KCNAB3: variants seen among roughly 807,000 people sequenced by gnomAD.
KCNAB3 encodes potassium voltage-gated channel subfamily A regulatory beta subunit 3.
Under a neutral mutation model 67.7 loss-of-function variants are expected in KCNAB3, and 62 were observed. That is an observed-to-expected ratio of 0.92 (90% CI 0.75 to 1.13). The LOEUF is 1.13. Ranked by LOEUF, KCNAB3 falls within the 50% of genes most tolerant of loss-of-function variation. The probability of loss-of-function intolerance (pLI) is 0.00; values close to 1 mark genes in which losing one functional copy is unlikely to be tolerated. For missense variants in KCNAB3, 514 were observed against 522.9 expected (o/e 0.98, Z 0.17); for synonymous variants, 212 against 205.4 (o/e 1.03, Z -0.27).
Position 7,929,448 on chromosome 17 carries a change from A to AGGGGGCTCCGAGGG in KCNAB3, c.-14_-13insCCCTCGGAGCCCCC. 6.5e-7 allele frequency: 1 copy of AGGGGGCTCCGAGGG among 1,527,702 alleles called. No individual in the cohort carries two copies. Among genetic ancestry groups the AGGGGGCTCCGAGGG allele is most frequent in the Non-Finnish European group, 8.8e-7 (1 of 1,131,340 alleles). The allele number at this position is 1,527,702 out of a possible 1,614,324, so 94.6% of individuals were successfully genotyped here. A position where few individuals can be genotyped will look rare whatever the true frequency, so the allele number is the denominator to read the frequency against. ...TAGACACCTGCATGCTGGCTGGCCG[A>AGGGGGCTCCGAGGG]GGCGGGGGAGGGGGCTCCGAGGGGA... On this transcript the variant is annotated 5_prime_UTR_variant, in exon 1 of 14. Transcript: ENST00000303790. The surrounding 1 kb of genome is among the most constrained non-coding windows in gnomAD (Gnocchi z 5.7).
intron 7 of KCNAB3, 91 bp from the exon 8 acceptor site, chr17:7,925,274 T>C: frequency 1.0e-6 from 1 of 998,026 alleles, no homozygotes. Context: ...ATGCCTGTAA[T>C]CCCAGCACTT....
At position 7,929,835 on chromosome 17, in the gene KCNAB3, G is replaced by T; in HGVS notation, c.-400C>A. On this transcript the variant is annotated 5_prime_UTR_variant, in exon 1 of 14. Coordinates refer to ENST00000303790, the MANE Select transcript of KCNAB3 (RefSeq NM_004732.4). The surrounding 1 kb of genome is among the most constrained non-coding windows in gnomAD (Gnocchi z 5.7). ...TGCGGGACCCGCTGGGCTCCCAGCC[G>T]CGTCGGCAGCGGGCCCAGCTCATCA... The T allele has an allele frequency of 2.1e-4, 220 of 1,029,728 alleles. No individual in the cohort carries two copies. The highest frequency in any genetic ancestry group is 1.3e-3 in the Admixed American group (24 of 18,120). 63.8% of individuals were successfully genotyped at this position (1,029,728 alleles called of 1,614,324 possible). A position where few individuals can be genotyped will look rare whatever the true frequency, so the allele number is the denominator to read the frequency against.
chr17:7,923,846 G>A lies in KCNAB3; in HGVS notation c.928-15C>T, dbSNP rs1438372502. ...CACTGGTAGCCCTGGAGGCCAAGAA[G>A]AATCAACAGAAGACCCCGCCATCAC... On this transcript the variant is annotated splice_polypyrimidine_tract_variant and intron_variant, in intron 11 of 13. Transcript: ENST00000303790. The A allele has an allele frequency of 2.6e-6, 4 of 1,565,500 alleles. No individual in the cohort carries two copies. In the Admixed American group the frequency reaches 7.6e-5, roughly 30 times the overall value.
chr17:7,924,916 A>C, intron 8 of KCNAB3, 181 bp downstream of exon 8: 1 of 600,242 alleles, frequency 1.7e-6, no homozygotes, highest in Non-Finnish European at 2.9e-6. Context: ...GCTAATTTTA[A>C]AACATTTTTT....
rs780554724 is a variant in KCNAB3, at chr17:7,924,503, A to G, written c.626-3T>C. The G allele has an allele frequency of 1.2e-6, 2 of 1,611,698 alleles. No homozygotes were observed. The highest frequency in any genetic ancestry group is 2.2e-5 in the South Asian group (2 of 90,916). On this transcript the variant is annotated splice_polypyrimidine_tract_variant and splice_region_variant and intron_variant, in intron 8 of 13. Transcript: ENST00000303790. ...ATAGGTCATGGCTCGCACAATCTCT[A>G]GGTACACAGGAGAGGGAAAGCCTTA...
At chr17:7,923,213 C>G (rs377218293) in intron 13 of KCNAB3, 34 bp from the exon 14 acceptor site, 1 of 1,596,242 alleles carries the variant, frequency 6.3e-7, no homozygotes, top group Non-Finnish European at 8.6e-7. Flanking sequence ...GACGGCAGCC[C>G]ATGCTGGGTC....
intron 4 of KCNAB3, chr17:7,927,086 T>A: frequency 2.1e-6 from 1 of 487,530 alleles, no homozygotes; most frequent in Non-Finnish European, 3.7e-6. Flanking sequence ...ATCTTTGTAG[T>A]TGCACATAAC....
chr17:7,925,021 C>T (rs1181339266), intron 8 of KCNAB3, 76 bp downstream of exon 8: 5 of 1,335,344 alleles, frequency 3.7e-6, no homozygotes, highest in Admixed American at 1.8e-5. Flanking sequence ...CCTGGGATTA[C>T]AGGAATGAGC....
At position 7,925,733 on chromosome 17, in the gene KCNAB3, G is replaced by T; in HGVS notation, c.495-7C>A. 1.2e-6 allele frequency: 2 copies of T among 1,613,988 alleles called. No homozygotes were observed. On this transcript the variant is annotated splice_region_variant and splice_polypyrimidine_tract_variant and intron_variant, in intron 6 of 13. Transcript: ENST00000303790. ...ACCTCGCTCGGTTTCTGCCCTGTAGGAAAAGGTAAGTCAAAGATGAGATGT... is the reference window on the plus strand; with the variant it reads ...ACCTCGCTCGGTTTCTGCCCTGTAGTAAAAGGTAAGTCAAAGATGAGATGT...
chr17:7,929,634 G>A lies in KCNAB3; in HGVS notation c.-199C>T. 2 of 1,429,204 alleles carry A rather than the reference G, an allele frequency of 1.4e-6. No homozygotes were observed. Among genetic ancestry groups the A allele is most frequent in the East Asian group, 2.6e-5 (1 of 38,318 alleles). The allele number at this position is 1,429,204 out of a possible 1,614,324, so 88.5% of individuals were successfully genotyped here. ...GAGGTCGCGAGGTTTGCGGCGGGAG[G>A]GAAGAAACGTGGGGGGCGCCAGGAG... On this transcript the variant is annotated 5_prime_UTR_variant, in exon 1 of 14. Transcript: ENST00000303790. The surrounding 1 kb of genome is among the most constrained non-coding windows in gnomAD (Gnocchi z 5.7).
At position 7,929,822 on chromosome 17, in the gene KCNAB3, TGGGC is replaced by T; in HGVS notation, c.-391_-388del. 73 of 1,066,330 alleles carry T rather than the reference TGGGC, an allele frequency of 6.8e-5. No individual in the cohort carries two copies. Among genetic ancestry groups the T allele is most frequent in the Admixed American group, 5.7e-4 (11 of 19,136 alleles). The allele number at this position is 1,066,330 out of a possible 1,614,324, so 66.1% of individuals were successfully genotyped here. ...CAGCGCGAACCGCTGCGGGACCCGC[TGGGC>T]TCCCAGCCGCGTCGGCAGCGGGCCC... is the stretch of plus-strand genomic sequence containing the variant. On this transcript the variant is annotated 5_prime_UTR_variant, in exon 1 of 14. Coordinates refer to ENST00000303790, the MANE Select transcript of KCNAB3 (RefSeq NM_004732.4). This position sits in a 1 kb window ranked among gnomAD's most constrained non-coding sequence, Gnocchi z 5.7.
chr17:7,923,128 C>A lies in KCNAB3; in HGVS notation c.1189G>T (p.Gly397Ter), dbSNP rs201879250. Reference protein sequence around the residue: ...QTVMEIDGLLGNKPHSKK With the variant: ...QTVMEIDGLL ...TACTTCTTGGAATGCGGCTTGTTTCCCAGGAGCCCGTCTATTTCCATCACT... is the reference window on the plus strand; with the variant it reads ...TACTTCTTGGAATGCGGCTTGTTTCACAGGAGCCCGTCTATTTCCATCACT... Residue 397 changes from glycine to a stop codon, truncating the protein, a stop_gained, in exon 14 of 14, where the codon GGA becomes TGA. Coordinates refer to ENST00000303790, the MANE Select transcript of KCNAB3 (RefSeq NM_004732.4). LOFTEE classifies it high-confidence loss of function. 8.1e-6 allele frequency: 13 copies of A among 1,614,146 alleles called. No homozygotes were observed. In the Admixed American group the frequency reaches 2.0e-4, roughly 25 times the overall value.
chr17:7,928,545 G>C (rs79595726), intron 1 of KCNAB3, among the ~76,000 whole-genome samples: 2,793 of 152,158 alleles, frequency 0.018, 33 homozygotes, highest in Middle Eastern at 0.068. Context: ...GACAAAGCAG[G>C]TCAGATCAGT....
At chr17:7,925,855 T>TGCCCCCC in intron 6 of KCNAB3, 76 bp downstream of exon 6, 2 of 1,547,840 alleles carry the variant, frequency 1.3e-6, no homozygotes, top group Non-Finnish European at 1.8e-6. Flanking sequence ...AGGATAGCTG[T>TGCCCCCC]CCCCACCCCC....
At position 7,929,233 on chromosome 17, in the gene KCNAB3, A is replaced by C. The variant is rs1972342669; in HGVS notation, c.203T>G (p.Leu68Arg). The C allele has an allele frequency of 6.2e-7, 1 of 1,610,604 alleles. No individual in the cohort carries two copies. Among genetic ancestry groups the C allele is most frequent in the African/African-American group, 1.3e-5 (1 of 74,702 alleles). Residue 68 changes from leucine to arginine, a missense_variant, in exon 1 of 14, where the codon CTC becomes CGC. By Grantham distance (102) the Leu-to-Arg change is moderately radical. Coordinates refer to ENST00000303790, the MANE Select transcript of KCNAB3 (RefSeq NM_004732.4). The surrounding 1 kb of genome is among the most constrained non-coding windows in gnomAD (Gnocchi z 5.7). ...AGTGCCTCGGCCGGTGCTCTCTCGGAGGGCCCCAGCGGGCGCTGGGGGTCG... is the reference window on the plus strand; with the variant it reads ...AGTGCCTCGGCCGGTGCTCTCTCGGCGGGCCCCAGCGGGCGCTGGGGGTCG... ...VPRPPAPAGA[L>R]RESTGRGTGM...
rs1404085338 is a variant in KCNAB3, at chr17:7,929,331, C to T, written c.105G>A (p.Pro35=). 11 of 1,551,040 alleles carry T rather than the reference C, an allele frequency of 7.1e-6. No homozygotes were observed. The highest frequency in any genetic ancestry group is 9.6e-6 in the Non-Finnish European group (11 of 1,147,780). The part of the protein sequence containing the change: ...RPGPGGGNGG[P]AGGGHGNPPG... ...GAGGATTCCCGTGCCCCCCGCCGGC[C>T]GGCCCACCATTACCGCCCCCGGGGC... is the stretch of plus-strand genomic sequence containing the variant. The change falls in exon 1 of 14, where the codon CCG becomes CCA. Residue 35 remains proline (P), a synonymous_variant. Transcript: ENST00000303790. The surrounding 1 kb of genome is among the most constrained non-coding windows in gnomAD (Gnocchi z 5.7).
Position 7,922,501 on chromosome 17 carries a change from G to A in KCNAB3, c.*601C>T, listed in dbSNP as rs529227325. On this transcript the variant is annotated 3_prime_UTR_variant, in exon 14 of 14. Transcript: ENST00000303790. Reference sequence around the variant, plus strand: ...ATTACATTTCCCTCTACCTTTGTCAGTGCTGTGCCACTGTAGACCCCACCC... The same window carrying A: ...ATTACATTTCCCTCTACCTTTGTCAATGCTGTGCCACTGTAGACCCCACCC... 6.5e-5 allele frequency: 10 copies of A among 154,214 alleles called. No individual in the cohort carries two copies. Among genetic ancestry groups the A allele is most frequent in the African/African-American group, 2.4e-4 (10 of 41,558 alleles). The allele number at this position is 154,214 out of a possible 1,614,324, so 9.6% of individuals were successfully genotyped here. A position where few individuals can be genotyped will look rare whatever the true frequency, so the allele number is the denominator to read the frequency against.
In KCNAB3 at chr17:7,923,009, C is replaced by T; in HGVS notation, c.*93G>A. 2 of 1,232,058 alleles carry T rather than the reference C, an allele frequency of 1.6e-6. No individual in the cohort carries two copies. Among genetic ancestry groups the T allele is most frequent in the East Asian group, 2.3e-5 (1 of 43,016 alleles). The allele number at this position is 1,232,058 out of a possible 1,614,324, so 76.3% of individuals were successfully genotyped here. On this transcript the variant is annotated 3_prime_UTR_variant, in exon 14 of 14. Transcript: ENST00000303790. ...GGGGCTAGTCTGGCTCCGGCCGCTG[C>T]GTGGAGGGATCCGGAGCGGGAGAGG...
chr17:7,929,780 GGA>G lies in KCNAB3; in HGVS notation c.-347_-346del. The G allele has an allele frequency of 8.7e-7, 1 of 1,154,630 alleles. No individual in the cohort carries two copies. 71.5% of individuals were successfully genotyped at this position (1,154,630 alleles called of 1,614,324 possible). On this transcript the variant is annotated 5_prime_UTR_variant, in exon 1 of 14. Transcript: ENST00000303790. The surrounding 1 kb of genome is among the most constrained non-coding windows in gnomAD (Gnocchi z 5.7). Reference sequence around the variant, plus strand: ...TAAGGACCCAGGGGGAAGCGGGGCGGGAGAGAGATGCCACTTCAGCGCGAACC... The same window carrying G: ...TAAGGACCCAGGGGGAAGCGGGGCGGGAGAGATGCCACTTCAGCGCGAACC...
Sources: allele counts gnomAD v4.1 joint callset (sites outside exome capture counted in the v4.1 genomes callset), GRCh38; gene constraint gnomAD v4.1.1; non-coding constraint Gnocchi (gnomAD v3.1); transcripts MANE v1.5; gene names NCBI Gene and HGNC (gene_info 2026-07-23, HGNC 2026-07-21).